The following TMEM71 variants were observed in gnomAD, a reference collection of about 807,000 sequenced individuals.
The protein encoded by TMEM71 is transmembrane protein 71.
A neutral mutation model predicts 38.0 loss-of-function variants in TMEM71; 44 were observed. The ratio of observed to expected loss-of-function variants is 1.16; its 90% CI spans 0.91 to 1.49. The LOEUF is 1.49. Ranked by LOEUF, TMEM71 falls within the 40% of genes most tolerant of loss-of-function variation. The pLI is 0.00. For synonymous variants in TMEM71, 133 were observed against 122.5 expected, an observed-to-expected ratio of 1.09 and a Z score of -0.56; for missense variants, 367 against 348.6, an observed-to-expected ratio of 1.05 and a Z score of -0.42.
At chr8:132,725,179 A>T (rs904027645) in intron 6 of TMEM71, among the ~76,000 whole-genome samples, 2 of 151,980 alleles carry the variant, frequency 1.3e-5, no homozygotes, top group Non-Finnish European at 2.9e-5. Context: ...CTGGAAATTC[A>T]GGCATGCACC....
upstream of TMEM71, among the ~76,000 whole-genome samples, chr8:132,763,940 C>T (rs371095710): frequency 5.3e-5 from 8 of 152,316 alleles, no homozygotes; most frequent in South Asian, 4.1e-4. Flanking sequence ...CTACAAACAA[C>T]GAACAAACAT....
chr8:132,736,319 C>T (rs1337725632), intron 5 of TMEM71, among the ~76,000 whole-genome samples: 1 of 152,076 alleles, frequency 6.6e-6, no homozygotes, highest in Admixed American at 6.5e-5. Flanking sequence ...CTCCAAAAGG[C>T]ACATTAGAGG....
chr8:132,752,555 A>C (rs1414335398), intron 3 of TMEM71, among the ~76,000 whole-genome samples: 1 of 152,068 alleles, frequency 6.6e-6, no homozygotes, highest in Non-Finnish European at 1.5e-5. Flanking sequence ...GTAAATCTAT[A>C]TGTGTCTTAG....
chr8:132,774,056 C>CT, the TMEM71 span, among the ~76,000 whole-genome samples: 1 of 152,186 alleles, frequency 6.6e-6, no homozygotes, highest in Non-Finnish European at 1.5e-5. Flanking sequence ...GAGACAGAAA[C>CT]TTTGGTGAGC....
chr8:132,773,093 A>T, the TMEM71 span, among the ~76,000 whole-genome samples: 1 of 152,258 alleles, frequency 6.6e-6, no homozygotes, highest in Admixed American at 6.5e-5. Flanking sequence ...TTTCACCTAC[A>T]TGAATGTCTG....
intron 5 of TMEM71, among the ~76,000 whole-genome samples, chr8:132,735,018 G>A (rs1298891578): frequency 1.3e-5 from 2 of 152,206 alleles, no homozygotes; most frequent in African/African-American, 2.4e-5. Flanking sequence ...TCTAGAGAAA[G>A]GCATGCACCT....
At position 132,722,013 on chromosome 8, in the gene TMEM71, G is replaced by A. The variant is rs555264871; in HGVS notation, c.752+27C>T. 161 of 1,574,936 alleles carry A rather than the reference G, an allele frequency of 1.0e-4. No individual in the cohort carries two copies. The Middle Eastern group carries it at 1.2e-3, about 11-fold the overall frequency. ...ATAGTTTCACTAATTATGAAATACC[G>A]CTGCATGAAAATAAAACGTGAATTA... On this transcript the variant is annotated intron_variant, in intron 7 of 9. Transcript: ENST00000677595.
intron 6 of TMEM71, among the ~76,000 whole-genome samples, chr8:132,725,153 T>C (rs1586788481): frequency 6.6e-6 from 1 of 151,842 alleles, no homozygotes; most frequent in African/African-American, 2.4e-5. Context: ...TTCTCCCACC[T>C]CAGCTTCCCA....
intron 6 of TMEM71, among the ~76,000 whole-genome samples, chr8:132,725,102 A>G (rs188155291): frequency 6.7e-6 from 1 of 149,220 alleles, no homozygotes; most frequent in East Asian, 2.0e-4. Context: ...GCAGTGCATG[A>G]TCTTGGCTCA....
rs773976635 is a variant in TMEM71, at chr8:132,751,989, C to A, written c.110G>T (p.Cys37Phe). The A allele has an allele frequency of 1.1e-5, 17 of 1,613,864 alleles. No individual in the cohort carries two copies. In the African/African-American group the frequency reaches 1.7e-4, roughly 16 times the overall value. The change falls in exon 4 of 10, where the codon TGT (cysteine) becomes TTT (phenylalanine). Residue 37 changes from cysteine to phenylalanine, a missense_variant. Transcript: ENST00000677595. ...AGAATGGTAACCATCCAGGGAATCA[C>A]AGGTGAAACTAAGAAGGAAAAGATA... is the stretch of plus-strand genomic sequence containing the variant. ...SPTCIFPSFT[C>F]DSLDGYHSFE...
At chr8:132,775,405 G>C in the TMEM71 span, 37 of 383,096 alleles carry the variant, frequency 9.7e-5, 2 homozygotes, top group Admixed American at 1.4e-3. Flanking sequence ...GCCGGCGGCG[G>C]AGGCGGCGGC....
chr8:132,746,076 T>C (rs944255289), intron 5 of TMEM71, among the ~76,000 whole-genome samples: 2 of 148,956 alleles, frequency 1.3e-5, no homozygotes, highest in East Asian at 3.9e-4. Context: ...CTATGCTTAG[T>C]ACCTGGGTGA....
At chr8:132,733,398 G>T (rs548438817) in intron 5 of TMEM71, among the ~76,000 whole-genome samples, 2 of 152,118 alleles carry the variant, frequency 1.3e-5, no homozygotes, top group Non-Finnish European at 2.9e-5. Context: ...AGAGAAAGTG[G>T]GTCAGTATTT....
intron 5 of TMEM71, among the ~76,000 whole-genome samples, chr8:132,734,157 C>CACAA (rs1216694410): frequency 6.6e-6 from 1 of 151,788 alleles, no homozygotes; most frequent in Non-Finnish European, 1.5e-5. Flanking sequence ...TGTTCTTACA[C>CACAA]ACACACACAC....
upstream of TMEM71, among the ~76,000 whole-genome samples, chr8:132,764,448 T>C (rs2553603): frequency 0.89 from 135,800 of 152,140 alleles, 60,688 homozygotes; most frequent in East Asian, 1. Flanking sequence ...CTGATTAAAT[T>C]CATCAGTGCT....
At chr8:132,715,487 G>T (rs1311878209) in intron 7 of TMEM71, among the ~76,000 whole-genome samples, 1 of 144,714 alleles carries the variant, frequency 6.9e-6, no homozygotes, top group Non-Finnish European at 1.5e-5. Context: ...TGCTTACAAA[G>T]TTAAACATAG....
At chr8:132,721,959 G>T in intron 7 of TMEM71, 81 bp downstream of exon 7, 4 of 1,244,512 alleles carry the variant, frequency 3.2e-6, no homozygotes, top group South Asian at 2.4e-5. Context: ...ATGTTTTGTG[G>T]AATAAGGCAA....
downstream of TMEM71, among the ~76,000 whole-genome samples, chr8:132,707,186 A>C (rs896372735): frequency 6.6e-6 from 1 of 152,204 alleles, no homozygotes; most frequent in Non-Finnish European, 1.5e-5. Context: ...AAAACCAGGC[A>C]GAGCTATACT....
At chr8:132,714,306 C>T in intron 7 of TMEM71, 91 bp from the exon 8 acceptor site, 1 of 976,306 alleles carries the variant, frequency 1.0e-6, no homozygotes, top group Admixed American at 1.8e-5. Context: ...ATTATGATTT[C>T]AAGGTTTACT....
Sources: gnomAD v4.1 joint callset for allele counts (sites outside exome capture counted in the v4.1 genomes callset) on GRCh38, gnomAD v4.1.1 for gene constraint, MANE v1.5 for transcripts, NCBI Gene and HGNC (gene_info 2026-07-23, HGNC 2026-07-21) for gene names.